The following DENND3 variants were observed in gnomAD, a reference collection of about 807,000 sequenced individuals.
DENND3 encodes the protein DENN domain containing 3.
In DENND3, 88 loss-of-function variants were observed where a neutral mutation model predicts 135.1. The ratio of observed to expected loss-of-function variants is 0.65; its 90% confidence interval spans 0.55 to 0.78. The LOEUF (loss-of-function observed/expected upper bound fraction) is 0.78, where lower values mean the gene tolerates loss of function less well. DENND3 is among the 30% of genes least tolerant of loss of function. The probability of loss-of-function intolerance (pLI) is 0.00; values close to 1 mark genes in which losing one functional copy is unlikely to be tolerated. For missense variants in DENND3, 1,392 were observed against 1,688.4 expected (o/e 0.82, Z 3.08); for synonymous variants, 693 against 712.3 (o/e 0.97, Z 0.43).
chr8:141,128,926 C>A lies in DENND3; in HGVS notation c.102+117C>A. 1.3e-6 allele frequency: 1 copy of A among 762,616 alleles called. No homozygotes were observed. Among genetic ancestry groups the A allele is most frequent in the Non-Finnish European group, 1.9e-6 (1 of 540,442 alleles). The allele number at this position is 762,616 out of a possible 1,614,324, so 47.2% of individuals were successfully genotyped here. A position where few individuals can be genotyped will look rare whatever the true frequency, so the allele number is the denominator to read the frequency against. Reference sequence around the variant, plus strand: ...GGCGCGGACTTTCCGAGGGCTGAGTCCCGGTCCCCCGGCGGTGACCCCGCG... The same window carrying A: ...GGCGCGGACTTTCCGAGGGCTGAGTACCGGTCCCCCGGCGGTGACCCCGCG... On this transcript the variant is annotated intron_variant, in intron 1 of 22. Transcript: ENST00000519811. The surrounding 1 kb of genome is among the most constrained non-coding windows in gnomAD (Gnocchi z 4.5).
intron 14 of DENND3, chr8:141,176,295 AAAAAAC>A (rs1822355799): frequency 1.1e-5 from 3 of 267,142 alleles, no homozygotes; most frequent in African/African-American, 6.9e-5. Flanking sequence ...AACAAAAAAA[AAAAAAC>A]AAAAAGAGGG....
At chr8:141,172,020 GTGTC>G (rs1569556332) in intron 13 of DENND3, among the ~76,000 whole-genome samples, 2 of 150,160 alleles carry the variant, frequency 1.3e-5, no homozygotes, top group Non-Finnish European at 3.0e-5. Context: ...GTGCATATCG[GTGTC>G]TGTGGGTGTG....
chr8:141,149,402 C>T (rs1818521127), intron 5 of DENND3, among the ~76,000 whole-genome samples: 1 of 152,242 alleles, frequency 6.6e-6, no homozygotes, highest in Non-Finnish European at 1.5e-5. Flanking sequence ...CTATGGCATA[C>T]TACTGGTCAT....
Position 141,138,105 on chromosome 8 carries a change from G to A in DENND3, c.469G>A (p.Gly157Ser), listed in dbSNP as rs1045924433. ...CGATGTCTGCGGGAATAGGACCTATGGCGTGGTGGCCCAGTACTACCGGCC... is the reference window on the plus strand; with the variant it reads ...CGATGTCTGCGGGAATAGGACCTATAGCGTGGTGGCCCAGTACTACCGGCC... ...LTDVCGNRTY[G>S]VVAQYYRPLH... is the part of the protein sequence containing the mutation. The change falls in exon 3 of 23, where the codon GGC (glycine) becomes AGC (serine). Residue 157 changes from glycine to serine, a missense_variant. Coordinates refer to ENST00000519811, the MANE Select transcript of DENND3 (RefSeq NM_001352890.3). This position sits in a 1 kb window ranked among gnomAD's most constrained non-coding sequence, Gnocchi z 4.8. 2 of 1,609,298 alleles carry A rather than the reference G, an allele frequency of 1.2e-6. No homozygotes were observed. The highest frequency in any genetic ancestry group is 2.7e-5 in the African/African-American group (2 of 74,870).
rs571219265 is a variant in DENND3, at chr8:141,169,598, C to T, written c.2275+1073C>T. On this transcript the variant is annotated intron_variant, in intron 13 of 22. Transcript: ENST00000519811. ...TTGTGCTTAGACCCAGCGGGGGCTC[C>T]GTGTGCCTCTCTCCCTCCCTCCCCA... is the stretch of plus-strand genomic sequence containing the variant. Among the ~76,000 whole-genome samples, 21 of 152,318 alleles carry T rather than the reference C, an allele frequency of 1.4e-4. No individual in the cohort carries two copies. In the South Asian group the frequency reaches 4.1e-3, roughly 30 times the overall value.
Position 141,182,020 on chromosome 8 carries a change from C to T in DENND3, c.2944+1166C>T, listed in dbSNP as rs1487779216. Among the ~76,000 whole-genome samples the T allele has an allele frequency of 4.6e-5, 7 of 152,186 alleles. No individual in the cohort carries two copies. The highest frequency in any genetic ancestry group is 1.0e-4 in the Non-Finnish European group (7 of 68,036). On this transcript the variant is annotated intron_variant, in intron 17 of 22. Transcript: ENST00000519811. The surrounding 1 kb of genome is among the most constrained non-coding windows in gnomAD (Gnocchi z 5.9). ...TGTTGCCTAGGCTGATCTCGAACTCCTGGGCTCAAGCGATACCTCTCCACC... is the reference window on the plus strand; with the variant it reads ...TGTTGCCTAGGCTGATCTCGAACTCTTGGGCTCAAGCGATACCTCTCCACC...
rs1306447410 is a variant in DENND3, at chr8:141,183,763, AAAAAG to A, written c.2945-1370_2945-1366del. ...TTTTTTTTTTTTTTAATTTAAAAAA[AAAAAG>A]AAAAGTTTATGCTTGAAAGTGCAAC... On this transcript the variant is annotated intron_variant, in intron 17 of 22. Coordinates refer to ENST00000519811, the MANE Select transcript of DENND3 (RefSeq NM_001352890.3). Among the ~76,000 whole-genome samples the A allele has an allele frequency of 1.3e-4, 19 of 151,196 alleles. No individual in the cohort carries two copies. In the Middle Eastern group the frequency reaches 0.01, roughly 81 times the overall value.
At chr8:141,193,754 G>A in intron 22 of DENND3, 1 of 526,748 alleles carries the variant, frequency 1.9e-6, no homozygotes, top group South Asian at 2.7e-5. Context: ...CCTCACACAG[G>A]TGGCTGTTGT....
At chr8:141,189,344 G>A (rs566428105) in intron 19 of DENND3, among the ~76,000 whole-genome samples, 198 bp downstream of exon 19, 127 of 152,372 alleles carry the variant, frequency 8.3e-4, no homozygotes, top group African/African-American at 3.0e-3. Flanking sequence ...TGACACCAGT[G>A]TGGGCCAAGC....
chr8:141,147,158 C>T (rs1360151689), intron 5 of DENND3, among the ~76,000 whole-genome samples: 1 of 152,194 alleles, frequency 6.6e-6, no homozygotes, highest in African/African-American at 2.4e-5. Flanking sequence ...GGACTACCTT[C>T]AGTGTTCCTT....
intron 5 of DENND3, among the ~76,000 whole-genome samples, chr8:141,149,192 G>T (rs567417115): frequency 1.3e-5 from 2 of 152,226 alleles, no homozygotes; most frequent in East Asian, 3.9e-4. Context: ...TTATAGGCAT[G>T]AGCCACCACA....
intron 13 of DENND3, among the ~76,000 whole-genome samples, chr8:141,170,350 C>T (rs1044598743): frequency 2.6e-5 from 4 of 151,798 alleles, no homozygotes; most frequent in South Asian, 2.1e-4. Context: ...ATGTCATGGC[C>T]GAGTGTGTGT....
At chr8:141,170,852 C>G (rs1039537262) in intron 13 of DENND3, among the ~76,000 whole-genome samples, 1 of 152,198 alleles carries the variant, frequency 6.6e-6, no homozygotes, top group Non-Finnish European at 1.5e-5. Context: ...CTGGAGCGGC[C>G]TGCTGTCTCC....
intron 13 of DENND3, among the ~76,000 whole-genome samples, chr8:141,173,137 C>T (rs1367266957): frequency 2.7e-5 from 4 of 148,570 alleles, no homozygotes. Context: ...GACCCCCATG[C>T]TCTTCGCGAC....
chr8:141,176,937 TGACCCAGC>T, intron 15 of DENND3, 176 bp downstream of exon 15: 3 of 685,198 alleles, frequency 4.4e-6, no homozygotes, highest in Non-Finnish European at 4.8e-6. Context: ...GTGGTCTGTG[TGACCCAGC>T]GAGAGGCCTC....
At chr8:141,151,993 T>G (rs1818846367) in intron 7 of DENND3, among the ~76,000 whole-genome samples, 156 bp downstream of exon 7, 1 of 152,248 alleles carries the variant, frequency 6.6e-6, no homozygotes, top group South Asian at 2.1e-4. Flanking sequence ...GTTCACTCAC[T>G]GTGTCATTGT....
rs927736443 is a variant in DENND3 at position 141,128,624 on chromosome 8, G to C, written c.-84G>C. 1.2e-6 allele frequency: 1 copy of C among 845,136 alleles called. No individual in the cohort carries two copies. Among genetic ancestry groups the C allele is most frequent in the African/African-American group, 1.8e-5 (1 of 55,202 alleles). 52.4% of individuals were successfully genotyped at this position (845,136 alleles called of 1,614,324 possible). ...CTCGCAGCGCCCCCGGCCCCCAGGCGGCGCGGCTGGTCCCCAGGGGTCTGC... is the reference window on the plus strand; with the variant it reads ...CTCGCAGCGCCCCCGGCCCCCAGGCCGCGCGGCTGGTCCCCAGGGGTCTGC... On this transcript the variant is annotated 5_prime_UTR_variant, in exon 1 of 23. Coordinates refer to ENST00000519811, the MANE Select transcript of DENND3 (RefSeq NM_001352890.3). The surrounding 1 kb of genome is among the most constrained non-coding windows in gnomAD (Gnocchi z 4.5).
chr8:141,133,190 T>C (rs1816352436), intron 1 of DENND3, among the ~76,000 whole-genome samples: 1 of 151,986 alleles, frequency 6.6e-6, no homozygotes, highest in Admixed American at 6.5e-5. Flanking sequence ...CCTGAGCCCA[T>C]GGAAGAGCAG....
At chr8:141,148,354 C>G (rs1818401505) in intron 5 of DENND3, among the ~76,000 whole-genome samples, 1 of 152,164 alleles carries the variant, frequency 6.6e-6, no homozygotes, top group Non-Finnish European at 1.5e-5. Flanking sequence ...GGTGCATGGA[C>G]CAACAGCCGG....
Sources: gnomAD v4.1 joint callset for allele counts (sites outside exome capture counted in the v4.1 genomes callset) on GRCh38, gnomAD v4.1.1 for gene constraint, Gnocchi (gnomAD v3.1) non-coding constraint, MANE v1.5 for transcripts, NCBI Gene and HGNC (gene_info 2026-07-23, HGNC 2026-07-21) for gene names.